The following NF2 variants were observed in gnomAD, a reference collection of about 807,000 sequenced individuals.
The protein encoded by NF2 is NF2, moesin-ezrin-radixin like (MERLIN) tumor suppressor.
Under a neutral mutation model 83.7 loss-of-function variants are expected in NF2, and 8 were observed. The observed-to-expected ratio is 0.10, with a 90% CI of 0.06 to 0.17. The LOEUF is 0.17. NF2 is among the 10% of genes least tolerant of loss of function. The probability of loss-of-function intolerance (pLI) is 1.00; values close to 1 mark genes in which losing one functional copy is unlikely to be tolerated. For synonymous variants in NF2, 266 were observed against 269.6 expected (o/e 0.99, Z 0.13); for missense variants, 533 against 744.4 (o/e 0.72, Z 3.31).
At chr22:29,689,946 C>G (rs1379062636) in intron 15 of NF2, among the ~76,000 whole-genome samples, 1 of 152,246 alleles carries the variant, frequency 6.6e-6, no homozygotes, top group Admixed American at 6.5e-5. Context: ...AAACGATCCC[C>G]CAAAAGGGCT....
At chr22:29,614,351 G>T (rs534000816) in intron 1 of NF2, among the ~76,000 whole-genome samples, 1 of 152,092 alleles carries the variant, frequency 6.6e-6, no homozygotes, top group South Asian at 2.1e-4. Context: ...GGCCGAGGTG[G>T]GTGGCTCACG....
intron 15 of NF2, among the ~76,000 whole-genome samples, chr22:29,687,344 C>T (rs1025601303): frequency 3.3e-5 from 5 of 152,190 alleles, no homozygotes; most frequent in African/African-American, 4.8e-5. Flanking sequence ...TTATCTCAAG[C>T]GCCAGCAGCT....
chr22:29,686,161 C>T (rs1601675451), intron 15 of NF2, among the ~76,000 whole-genome samples: 2 of 152,300 alleles, frequency 1.3e-5, no homozygotes, highest in Middle Eastern at 6.8e-3. Flanking sequence ...GTGTGCAACA[C>T]TCAGTGCACA....
At chr22:29,667,981 T>C (rs1175444345) in intron 9 of NF2, among the ~76,000 whole-genome samples, 1 of 152,206 alleles carries the variant, frequency 6.6e-6, no homozygotes, top group African/African-American at 2.4e-5. Context: ...ATGCATAACC[T>C]GTTGCCTCAG....
chr22:29,631,880 A>G (rs1270453389), intron 1 of NF2, among the ~76,000 whole-genome samples: 1 of 152,254 alleles, frequency 6.6e-6, no homozygotes, highest in African/African-American at 2.4e-5. Context: ...TCACACAGTG[A>G]CAGTGCAGAG....
chr22:29,658,149 C>G (rs1569295861), intron 6 of NF2, 40 bp from the exon 7 acceptor site: 1 of 1,592,952 alleles, frequency 6.3e-7, no homozygotes, highest in Non-Finnish European at 8.6e-7. Flanking sequence ...CCACCCATCT[C>G]ACTTAGCTCC....
chr22:29,651,773 G>T (rs1174868957), intron 4 of NF2, among the ~76,000 whole-genome samples: 2 of 152,202 alleles, frequency 1.3e-5, no homozygotes, highest in South Asian at 4.1e-4. Context: ...TGAGAACTTG[G>T]TATAATAATG....
At chr22:29,664,371 CCACACACACA>C (rs35386801) in intron 8 of NF2, among the ~76,000 whole-genome samples, 23 of 146,454 alleles carry the variant, frequency 1.6e-4, no homozygotes, top group African/African-American at 4.5e-4. Context: ...AAAGCTAATA[CCACACACACA>C]CACACACACA....
chr22:29,621,658 G>A (rs147034617), intron 1 of NF2, among the ~76,000 whole-genome samples: 19 of 151,988 alleles, frequency 1.3e-4, no homozygotes, highest in Admixed American at 1.2e-3. Context: ...GACAGAGTGA[G>A]ACCTTGTCTC....
intron 1 of NF2, among the ~76,000 whole-genome samples, chr22:29,634,978 C>T (rs1329873969): frequency 2.6e-5 from 4 of 152,262 alleles, no homozygotes; most frequent in African/African-American, 9.6e-5. Context: ...GTTCCAGTGG[C>T]CCCACTATAG....
intron 15 of NF2, among the ~76,000 whole-genome samples, chr22:29,693,665 C>T (rs1464153331): frequency 6.6e-6 from 1 of 152,196 alleles, no homozygotes; most frequent in Non-Finnish European, 1.5e-5. Context: ...AGTGAGCTCT[C>T]GGACCTTCTC....
chr22:29,622,965 T>TC lies in NF2; in HGVS notation c.115-13786_115-13785insC, dbSNP rs1244626627. Reference sequence around the variant, plus strand: ...CACCGTGCCCGGCCTTTTTTTTTTTTTTTTTTTTTTCGAGATGGGGTCTCA... The same window carrying TC: ...CACCGTGCCCGGCCTTTTTTTTTTTTCTTTTTTTTTTCGAGATGGGGTCTCA... On this transcript the variant is annotated intron_variant, in intron 1 of 15. Coordinates refer to ENST00000338641, the MANE Select transcript of NF2 (RefSeq NM_000268.4). 2.1e-5 allele frequency among the ~76,000 whole-genome samples: 3 copies of TC among 145,406 alleles called. No individual in the cohort carries two copies. In the East Asian group the frequency reaches 6.0e-4, roughly 29 times the overall value.
intron 1 of NF2, among the ~76,000 whole-genome samples, chr22:29,606,938 G>A (rs189851498): frequency 6.6e-6 from 1 of 152,124 alleles, no homozygotes; most frequent in Non-Finnish European, 1.5e-5. Context: ...CCAGCTACTT[G>A]GGAGGCTGAA....
rs762268514 is a variant in NF2 at position 29,639,837 on chromosome 22, G to A, written c.363+625G>A. Among the ~76,000 whole-genome samples, 14 of 135,740 alleles carry A rather than the reference G, an allele frequency of 1.0e-4. No homozygotes were observed. The Admixed American group carries it at 1.1e-3, about 10-fold the overall frequency. The allele number at this position is 135,740 out of a possible 152,430, so 89.1% of individuals were successfully genotyped here. On this transcript the variant is annotated intron_variant, in intron 3 of 15. Coordinates refer to ENST00000338641, the MANE Select transcript of NF2 (RefSeq NM_000268.4). ...ATGGAGGTTGCAGTGAGCCAAGATC[G>A]CGCCACTGCACTCCAGCTTGGGCAA...
At chr22:29,654,817 C>A in intron 5 of NF2, 92 bp downstream of exon 5, 1 of 916,140 alleles carries the variant, frequency 1.1e-6, no homozygotes, top group Non-Finnish European at 1.8e-6. Flanking sequence ...ATTGGAAGTA[C>A]ATAGCAATTT....
chr22:29,656,487 A>T (rs1160203693), intron 6 of NF2, among the ~76,000 whole-genome samples: 1 of 133,872 alleles, frequency 7.5e-6, no homozygotes, highest in Non-Finnish European at 1.5e-5. Context: ...ATCTCGGCTC[A>T]CTGCATCTCC....
rs116120927 is a variant in NF2, at chr22:29,683,486, G to A, written c.1737+1885G>A. On this transcript the variant is annotated intron_variant, in intron 15 of 15. Transcript: ENST00000338641. ...AACTCAAGATCAAGACCTTTTATGC[G>A]TTGACAGCCTCTCAAGACCCATGGT... 8.3e-4 allele frequency: 973 copies of A among 1,172,638 alleles called. 6 individuals are homozygous for A. The highest frequency in any genetic ancestry group is 6.7e-3 in the African/African-American group (435 of 64,728). 72.6% of individuals were successfully genotyped at this position (1,172,638 alleles called of 1,614,324 possible).
chr22:29,670,675 G>A (rs1026524247), intron 10 of NF2, among the ~76,000 whole-genome samples: 4 of 152,148 alleles, frequency 2.6e-5, no homozygotes, highest in African/African-American at 9.7e-5. Flanking sequence ...TCACTTCTGG[G>A]TTCTGCTTTT....
chr22:29,661,410 C>G (rs1483754727), intron 8 of NF2, 71 bp downstream of exon 8: 2 of 1,594,430 alleles, frequency 1.3e-6, no homozygotes, highest in East Asian at 2.2e-5. Context: ...TGGAGCCTCC[C>G]CAGCCAGGGC....
Sources: allele counts gnomAD v4.1 joint callset (sites outside exome capture counted in the v4.1 genomes callset), GRCh38; gene constraint gnomAD v4.1.1; transcripts MANE v1.5; gene names NCBI Gene and HGNC (gene_info 2026-07-23, HGNC 2026-07-21).